Variants in NADK2 observed in about 807,000 individuals in gnomAD.
The protein encoded by NADK2 is NAD kinase domain-containing protein 1, mitochondrial.
A neutral mutation model predicts 62.1 loss-of-function variants in NADK2; 35 were observed. The observed-to-expected ratio is 0.56, with a 90% CI of 0.43 to 0.75. The LOEUF (loss-of-function observed/expected upper bound fraction) is 0.75. NADK2 is among the 30% of genes least tolerant of loss of function. NADK2 has a pLI of 0.00. For synonymous variants in NADK2, 205 were observed against 207.9 expected (o/e 0.99, Z 0.12); for missense variants, 439 against 561.3 (o/e 0.78, Z 2.20).
At chr5:36,207,126 A>C in intron 8 of NADK2, 44 bp downstream of exon 8, 1 of 1,503,880 alleles carries the variant, frequency 6.6e-7, no homozygotes, top group Non-Finnish European at 9.3e-7. Flanking sequence ...ACATTACTAA[A>C]AGTATTTCAC....
At chr5:36,237,841 T>C (rs1747964677) in intron 1 of NADK2, among the ~76,000 whole-genome samples, 1 of 152,202 alleles carries the variant, frequency 6.6e-6, no homozygotes, top group Admixed American at 6.5e-5. Context: ...ATTTCAGGTG[T>C]GTGCTTCATA....
rs927533032 is a variant in NADK2 at position 36,219,647 on chromosome 5, T to C, written c.593A>G (p.Tyr198Cys). 2 of 1,614,024 alleles carry C rather than the reference T, an allele frequency of 1.2e-6. No individual in the cohort carries two copies. Among genetic ancestry groups the C allele is most frequent in the Non-Finnish European group, 1.7e-6 (2 of 1,179,946 alleles). The change falls in exon 5 of 12, where the codon TAT (tyrosine) becomes TGT (cysteine). Residue 198 changes from tyrosine to cysteine, a missense_variant. By Grantham distance (194) the Tyr-to-Cys change is radical. Coordinates refer to ENST00000381937, the MANE Select transcript of NADK2 (RefSeq NM_001085411.3). ...SEGHLCLPVRYTHSFPEALQK... is the reference protein window; with the variant it reads ...SEGHLCLPVRCTHSFPEALQK... The stretch of plus-strand genomic sequence containing the variant: ...TAAGGCTTCTGGAAAGGAATGTGTA[T>C]ATCGAACGGGCAGGCATAAATGACC...
At chr5:36,213,843 T>C (rs1056408874) in intron 6 of NADK2, among the ~76,000 whole-genome samples, 1 of 151,996 alleles carries the variant, frequency 6.6e-6, no homozygotes, top group Non-Finnish European at 1.5e-5. Flanking sequence ...TGCTCAACAA[T>C]AGGTACTCAT....
intron 1 of NADK2, among the ~76,000 whole-genome samples, chr5:36,237,476 C>G (rs75182420): frequency 6.6e-6 from 1 of 152,158 alleles, no homozygotes; most frequent in Non-Finnish European, 1.5e-5. Flanking sequence ...AAATTGATAA[C>G]AGTTACTTCC....
At chr5:36,204,093 C>T (rs1746547777) in intron 8 of NADK2, among the ~76,000 whole-genome samples, 1 of 152,120 alleles carries the variant, frequency 6.6e-6, no homozygotes, top group South Asian at 2.1e-4. Context: ...TTAACTTACT[C>T]CTTTATAAAA....
At chr5:36,203,510 C>T (rs147965644) in intron 8 of NADK2, among the ~76,000 whole-genome samples, 12 of 151,998 alleles carry the variant, frequency 7.9e-5, no homozygotes, top group Non-Finnish European at 1.6e-4. Context: ...GACTGAGCAA[C>T]GAAGGTGTCA....
chr5:36,231,656 G>T (rs1308849844), intron 1 of NADK2, among the ~76,000 whole-genome samples: 1 of 152,150 alleles, frequency 6.6e-6, no homozygotes, highest in Non-Finnish European at 1.5e-5. Flanking sequence ...GAGTACTGAA[G>T]TCCAATAATT....
At position 36,228,551 on chromosome 5, in the gene NADK2, T is replaced by C. The variant is rs1747575453; in HGVS notation, c.301-986A>G. The stretch of plus-strand genomic sequence containing the variant: ...AAGTAGATGAGATTATAGGCACGTG[T>C]CACTGTGCCCAGCTTATACCTTTCC... On this transcript the variant is annotated intron_variant, in intron 1 of 11. Coordinates refer to ENST00000381937, the MANE Select transcript of NADK2 (RefSeq NM_001085411.3). Among the ~76,000 whole-genome samples the C allele has an allele frequency of 4.6e-5, 7 of 152,020 alleles. No homozygotes were observed. In the South Asian group the frequency reaches 1.5e-3, roughly 32 times the overall value.
intron 1 of NADK2, among the ~76,000 whole-genome samples, chr5:36,240,626 CTG>C (rs937424306): frequency 8.5e-5 from 13 of 152,164 alleles, no homozygotes; most frequent in African/African-American, 2.9e-4. Flanking sequence ...GGATCAGAAA[CTG>C]TTTTTAAAGT....
chr5:36,236,903 GGAA>G (rs1423016943), intron 1 of NADK2, among the ~76,000 whole-genome samples: 2 of 147,648 alleles, frequency 1.4e-5, no homozygotes, highest in African/African-American at 2.5e-5. Flanking sequence ...ATTGGATAGA[GGAA>G]GAAGAGCATT....
chr5:36,208,621 T>G, intron 7 of NADK2: 3 of 1,522,254 alleles, frequency 2.0e-6, no homozygotes, highest in Non-Finnish European at 2.6e-6. Flanking sequence ...GCAATAAAAC[T>G]CACAGTCCCT....
At chr5:36,214,984 G>A (rs551650553) in intron 6 of NADK2, among the ~76,000 whole-genome samples, 13 of 152,264 alleles carry the variant, frequency 8.5e-5, no homozygotes, top group African/African-American at 3.1e-4. Flanking sequence ...ACATCATCCA[G>A]AGATTATTAA....
At chr5:36,202,073 G>A (rs1031384966) in intron 8 of NADK2, among the ~76,000 whole-genome samples, 1 of 151,934 alleles carries the variant, frequency 6.6e-6, no homozygotes, top group East Asian at 1.9e-4. Context: ...CTAAATTACT[G>A]GCTCTTAACG....
In NADK2 at chr5:36,196,681, G is replaced by C. The variant is rs553501654; in HGVS notation, c.1190+860C>G. Among the ~76,000 whole-genome samples, 7 of 152,150 alleles carry C rather than the reference G, an allele frequency of 4.6e-5. No homozygotes were observed. In the South Asian group the frequency reaches 1.4e-3, roughly 32 times the overall value. ...ATAGTGCTTTTTATGACATGTTTAA[G>C]AAATCTTTTCCATGTCAAAATCACA... On this transcript the variant is annotated intron_variant, in intron 11 of 11. Coordinates refer to ENST00000381937, the MANE Select transcript of NADK2 (RefSeq NM_001085411.3).
chr5:36,212,881 T>A (rs897440290), intron 6 of NADK2: 14 of 152,222 alleles, frequency 9.2e-5, no homozygotes, highest in Admixed American at 5.9e-4. Context: ...CACACTCTCT[T>A]TCCCACATCA....
chr5:36,222,291 T>C (rs1218656537), intron 4 of NADK2, among the ~76,000 whole-genome samples: 2 of 152,102 alleles, frequency 1.3e-5, no homozygotes, highest in Non-Finnish European at 2.9e-5. Context: ...TGGAGAACTC[T>C]TTCACCTACT....
At chr5:36,229,076 T>C (rs1295687700) in intron 1 of NADK2, among the ~76,000 whole-genome samples, 1 of 152,074 alleles carries the variant, frequency 6.6e-6, no homozygotes, top group African/African-American at 2.4e-5. Context: ...TTAAAGAAAA[T>C]TGAAATCAAA....
Position 36,200,278 on chromosome 5 carries a change from T to C in NADK2, c.1015A>G (p.Lys339Glu). The C allele has an allele frequency of 6.3e-7, 1 of 1,581,580 alleles. No homozygotes were observed. Among genetic ancestry groups the C allele is most frequent in the Non-Finnish European group, 8.6e-7 (1 of 1,163,066 alleles). Residue 339 changes from lysine (K) to glutamate (E), a missense_variant and splice_region_variant, in exon 10 of 12, where the codon AAA (lysine) becomes GAA (glutamate). By Grantham distance (56) the Lys-to-Glu change is moderately conservative. Transcript: ENST00000381937. ...QAVEDVLNIAKRQGNLSLPLN... is the reference protein window; with the variant it reads ...QAVEDVLNIAERQGNLSLPLN... ...GGAAGACTCAAATTTCCTTGTCGTT[T>C]TGCTGTTGAAAAAGGAAAGGGGGAA...
At chr5:36,206,766 G>A (rs1310055383) in intron 8 of NADK2, among the ~76,000 whole-genome samples, 1 of 152,088 alleles carries the variant, frequency 6.6e-6, no homozygotes, top group African/African-American at 2.4e-5. Flanking sequence ...TACCCAGAGG[G>A]AGATTATAGA....
Sources: allele counts gnomAD v4.1 joint callset (sites outside exome capture counted in the v4.1 genomes callset), GRCh38; gene constraint gnomAD v4.1.1; transcripts MANE v1.5; gene names NCBI Gene and HGNC (gene_info 2026-07-23, HGNC 2026-07-21).